ANKRD45: variants seen among roughly 807,000 people sequenced by gnomAD.
ANKRD45 encodes ankyrin repeat domain 45, also known as ankyrin repeat domain-containing protein 45.
Under a neutral mutation model 28.1 loss-of-function variants are expected in ANKRD45, and 21 were observed. The ratio of observed to expected loss-of-function variants is 0.75; its 90% CI spans 0.53 to 1.08. The LOEUF (loss-of-function observed/expected upper bound fraction) is 1.08, where lower values mean the gene tolerates loss of function less well. ANKRD45 is among the 50% of genes least tolerant of loss of function. The pLI, the probability that ANKRD45 is intolerant of heterozygous loss-of-function variation, is 0.00. For synonymous variants in ANKRD45, 86 were observed against 103.9 expected (o/e 0.83, Z 1.05); for missense variants, 261 against 308.7 (o/e 0.85, Z 1.16).
chr1:173,695,469 C>T, the ANKRD45 span, among the ~76,000 whole-genome samples: 2 of 152,260 alleles, frequency 1.3e-5, no homozygotes, highest in African/African-American at 4.8e-5. Context: ...GTTTTCTGTT[C>T]CTGTGTTAAT....
chr1:173,668,366 A>G (rs1366003821), intron 1 of ANKRD45, among the ~76,000 whole-genome samples: 1 of 152,214 alleles, frequency 6.6e-6, no homozygotes, highest in Non-Finnish European at 1.5e-5. Context: ...CAATTGAGTG[A>G]GCCAGGGAGC....
intron 4 of ANKRD45, 76 bp downstream of exon 4, chr1:173,626,989 A>C: frequency 9.9e-7 from 1 of 1,005,722 alleles, no homozygotes; most frequent in Non-Finnish European, 1.5e-6. Flanking sequence ...TGCCTTTAGA[A>C]CATCAGTGCA....
rs756815495 is a variant in ANKRD45 at position 173,659,353 on chromosome 1, A to G, written c.66T>C (p.Asn22=). The change falls in exon 2 of 6, where the codon AAT becomes AAC. Residue 22 remains asparagine (N), a synonymous_variant. Transcript: ENST00000333279. ...CTGGTTCTTGGGCTTCTTCTTCTTC[A>G]TTTTCCTCTTCTTGCTGTGAGAAAA... The part of the protein sequence containing the change: ...SEFFSQQEEE[N]EEEEAQEPEE... The G allele has an allele frequency of 4.3e-6, 7 of 1,611,266 alleles. No homozygotes were observed. The South Asian group carries it at 5.5e-5, about 13-fold the overall frequency.
chr1:173,684,945 G>A, the ANKRD45 span, among the ~76,000 whole-genome samples: 1 of 152,172 alleles, frequency 6.6e-6, no homozygotes, highest in Non-Finnish European at 1.5e-5. Flanking sequence ...GCAGCTATTT[G>A]ATTTTGGGCT....
At chr1:173,699,772 G>A in the ANKRD45 span, among the ~76,000 whole-genome samples, 6 of 152,134 alleles carry the variant, frequency 3.9e-5, no homozygotes, top group South Asian at 2.1e-4. Context: ...AGACAGGGAC[G>A]CCCTCTCTCA....
intron 5 of ANKRD45, among the ~76,000 whole-genome samples, chr1:173,620,604 T>A (rs1424589825): frequency 3.3e-5 from 5 of 151,120 alleles, no homozygotes; most frequent in South Asian, 2.1e-4. Context: ...CTGTTGTGGG[T>A]TGGGGGGAGG....
chr1:173,680,606 C>T, the ANKRD45 span, among the ~76,000 whole-genome samples: 219 of 152,088 alleles, frequency 1.4e-3, 1 homozygote, highest in African/African-American at 4.8e-3. Flanking sequence ...TGAAACTGCA[C>T]ATTCTGCACA....
chr1:173,684,608 T>A, the ANKRD45 span, among the ~76,000 whole-genome samples: 1 of 152,148 alleles, frequency 6.6e-6, no homozygotes, highest in South Asian at 2.1e-4. Context: ...AAAGTGATCA[T>A]TTACCCCTGA....
intron 2 of ANKRD45, chr1:173,658,671 A>G (rs1669652321): frequency 6.5e-6 from 1 of 152,874 alleles, no homozygotes; most frequent in African/African-American, 2.4e-5. Flanking sequence ...CTAAAAAATT[A>G]ATAAATCTTC....
the ANKRD45 span, among the ~76,000 whole-genome samples, chr1:173,685,361 G>A: frequency 2.6e-5 from 4 of 152,150 alleles, no homozygotes; most frequent in Non-Finnish European, 4.4e-5. Context: ...ACAGGGTGCC[G>A]GACTTCAGGA....
At chr1:173,687,743 C>T in the ANKRD45 span, among the ~76,000 whole-genome samples, 1 of 152,092 alleles carries the variant, frequency 6.6e-6, no homozygotes, top group Non-Finnish European at 1.5e-5. Context: ...AAACAGCTCG[C>T]ACATTTGAGC....
chr1:173,620,581 C>A (rs1162860342), intron 5 of ANKRD45, among the ~76,000 whole-genome samples: 1 of 152,052 alleles, frequency 6.6e-6, no homozygotes, highest in Non-Finnish European at 1.5e-5. Flanking sequence ...AGGGGAACAT[C>A]ACACTCTGGG....
chr1:173,656,669 A>G (rs901944175), intron 2 of ANKRD45, among the ~76,000 whole-genome samples: 1 of 152,166 alleles, frequency 6.6e-6, no homozygotes, highest in Non-Finnish European at 1.5e-5. Context: ...CAGAGCTCAT[A>G]AAAGCTGGCT....
In ANKRD45 at chr1:173,608,582, G is replaced by A. The variant is rs1571663115; in HGVS notation, c.*1563C>T. On this transcript the variant is annotated 3_prime_UTR_variant, in exon 6 of 6. Transcript: ENST00000333279. Reference sequence around the variant, plus strand: ...GATCCGCCTGCCTTGGCCTCCCAAAGTTCTTGGATTACAGGTGTGAGCCAG... The same window carrying A: ...GATCCGCCTGCCTTGGCCTCCCAAAATTCTTGGATTACAGGTGTGAGCCAG... 6.6e-6 allele frequency among the ~76,000 whole-genome samples: 1 copy of A among 151,760 alleles called. No homozygotes were observed. The highest frequency in any genetic ancestry group is 2.4e-5 in the African/African-American group (1 of 41,328).
chr1:173,648,988 C>T (rs1242677650), intron 2 of ANKRD45, among the ~76,000 whole-genome samples: 1 of 152,140 alleles, frequency 6.6e-6, no homozygotes, highest in African/African-American at 2.4e-5. Flanking sequence ...ATGCTCTTAA[C>T]CAATCTATTA....
intron 2 of ANKRD45, among the ~76,000 whole-genome samples, chr1:173,654,494 GGGT>G (rs2102377236): frequency 6.6e-6 from 1 of 152,218 alleles, no homozygotes; most frequent in East Asian, 1.9e-4. Flanking sequence ...TTCCCTTTGT[GGGT>G]AACCCAACCT....
chr1:173,713,721 C>A, the ANKRD45 span, among the ~76,000 whole-genome samples: 1 of 151,964 alleles, frequency 6.6e-6, no homozygotes, highest in Admixed American at 6.6e-5. Context: ...GGAGGACCAT[C>A]TCCCATACCC....
At chr1:173,662,636 CATCT>C (rs1221226526) in intron 1 of ANKRD45, among the ~76,000 whole-genome samples, 1 of 152,166 alleles carries the variant, frequency 6.6e-6, no homozygotes, top group Non-Finnish European at 1.5e-5. Context: ...CCTGAAATCT[CATCT>C]TAATTGATGG....
At chr1:173,654,379 A>T (rs1669393597) in intron 2 of ANKRD45, among the ~76,000 whole-genome samples, 1 of 152,140 alleles carries the variant, frequency 6.6e-6, no homozygotes, top group African/African-American at 2.4e-5. Flanking sequence ...TGGATATGTA[A>T]TTCTGGGTTG....
Sources: gnomAD v4.1 joint callset for allele counts (sites outside exome capture counted in the v4.1 genomes callset) on GRCh38, gnomAD v4.1.1 for gene constraint, MANE v1.5 for transcripts, NCBI Gene and HGNC (gene_info 2026-07-23, HGNC 2026-07-21) for gene names.